Variants in UNC13C observed in about 807,000 individuals in gnomAD.
UNC13C encodes unc-13 homolog C, also known as protein unc-13 homolog C.
UNC13C carries 174 observed loss-of-function variants against 245.4 expected under a neutral mutation model. The observed-to-expected ratio is 0.71, with a 90% CI of 0.63 to 0.80. UNC13C has a LOEUF of 0.80. UNC13C is among the 30% of genes least tolerant of loss of function. UNC13C has a pLI of 0.00. For missense variants in UNC13C, 2,829 were observed against 2,602.9 expected, an observed-to-expected ratio of 1.09 and a Z score of -1.89; for synonymous variants, 992 against 895.1, an observed-to-expected ratio of 1.11 and a Z score of -1.93.
chr15:54,552,544 TTATATTGTATATAATTA>T (rs1396494176), intron 28 of UNC13C, among the ~76,000 whole-genome samples: 6 of 82,892 alleles, frequency 7.2e-5, no homozygotes, highest in East Asian at 3.4e-4. Flanking sequence ...TAATTATATA[TTATATTGTATATAATTA>T]TATATTATAT....
intron 10 of UNC13C, among the ~76,000 whole-genome samples, chr15:54,286,303 A>G (rs568919200): frequency 1.3e-5 from 2 of 152,224 alleles, no homozygotes; most frequent in East Asian, 3.8e-4. Flanking sequence ...AACAAACGTG[A>G]TTTCTAATGG....
At chr15:53,879,866 C>G in the UNC13C span, among the ~76,000 whole-genome samples, 3 of 151,820 alleles carry the variant, frequency 2.0e-5, no homozygotes, top group African/African-American at 7.3e-5. Flanking sequence ...AACTGGAAAA[C>G]AAAATTATTA....
chr15:53,944,945 T>A, the UNC13C span, among the ~76,000 whole-genome samples: 440 of 152,322 alleles, frequency 2.9e-3, 3 homozygotes, highest in South Asian at 7.0e-3. Flanking sequence ...TACTTTTTAA[T>A]AATAGCCATT....
chr15:54,246,120 G>A (rs2035983871), intron 7 of UNC13C, among the ~76,000 whole-genome samples: 1 of 152,112 alleles, frequency 6.6e-6, no homozygotes, highest in African/African-American at 2.4e-5. Flanking sequence ...GTTTCTTCAG[G>A]TAGTAATCAA....
chr15:54,544,266 T>C (rs939535811), intron 26 of UNC13C, among the ~76,000 whole-genome samples: 4 of 152,124 alleles, frequency 2.6e-5, no homozygotes, highest in Non-Finnish European at 5.9e-5. Flanking sequence ...AAAAAAACTC[T>C]CAATAAAATA....
At chr15:54,234,057 A>C (rs80081229) in intron 4 of UNC13C, among the ~76,000 whole-genome samples, 13,424 of 152,224 alleles carry the variant, frequency 0.088, 882 homozygotes, top group South Asian at 0.22. Context: ...TTTTAATTGC[A>C]AAATAATACA....
chr15:53,917,634 G>A, the UNC13C span, among the ~76,000 whole-genome samples: 1 of 152,032 alleles, frequency 6.6e-6, no homozygotes, highest in Non-Finnish European at 1.5e-5. Flanking sequence ...GTGACACAAA[G>A]GGCCTCTTTT....
chr15:53,868,804 G>GA, the UNC13C span, among the ~76,000 whole-genome samples: 1 of 152,042 alleles, frequency 6.6e-6, no homozygotes, highest in South Asian at 2.1e-4. Flanking sequence ...TTCTATAGAG[G>GA]TCTCACTAGG....
At chr15:54,281,481 T>C (rs2036996348) in intron 10 of UNC13C, among the ~76,000 whole-genome samples, 1 of 152,222 alleles carries the variant, frequency 6.6e-6, no homozygotes, top group South Asian at 2.1e-4. Context: ...GCATTTTCTT[T>C]ATGGGTTTGG....
chr15:54,095,781 C>T (rs950062535), intron 2 of UNC13C, among the ~76,000 whole-genome samples: 3 of 152,156 alleles, frequency 2.0e-5, no homozygotes, highest in Non-Finnish European at 4.4e-5. Context: ...TTATCGACCA[C>T]TATTAGGTTC....
chr15:54,399,831 T>C (rs2040145937), intron 18 of UNC13C, among the ~76,000 whole-genome samples: 2 of 151,984 alleles, frequency 1.3e-5, no homozygotes, highest in South Asian at 4.1e-4. Flanking sequence ...GATCAGGGAT[T>C]TGTCCTTTGT....
chr15:54,272,197 C>A (rs916439993), intron 10 of UNC13C, among the ~76,000 whole-genome samples: 1 of 152,010 alleles, frequency 6.6e-6, no homozygotes, highest in African/African-American at 2.4e-5. Context: ...TGTTTTGGAC[C>A]TTTTGAAGTA....
At chr15:54,455,205 C>CTATATATATATA (rs1214014395) in intron 19 of UNC13C, among the ~76,000 whole-genome samples, 202 of 18,900 alleles carry the variant, frequency 0.011, 10 homozygotes, top group Non-Finnish European at 0.013. Flanking sequence ...CTCTCTCTCT[C>CTATATATATATA]TATATATATA....
intron 18 of UNC13C, among the ~76,000 whole-genome samples, chr15:54,414,710 A>G (rs779313889): frequency 2.0e-5 from 3 of 152,124 alleles, no homozygotes; most frequent in African/African-American, 4.8e-5. Flanking sequence ...ACAAACACTC[A>G]TCACAAGACA....
intron 27 of UNC13C, among the ~76,000 whole-genome samples, chr15:54,548,906 G>A (rs74014210): frequency 0.083 from 12,580 of 151,998 alleles, 1,386 homozygotes; most frequent in African/African-American, 0.25. Context: ...AATTAACCAC[G>A]GTCACTATTC....
chr15:54,505,464 T>C (rs1423520708), intron 22 of UNC13C, among the ~76,000 whole-genome samples: 1 of 152,164 alleles, frequency 6.6e-6, no homozygotes, highest in Non-Finnish European at 1.5e-5. Context: ...AATGTGCATG[T>C]CCAACAAGTT....
downstream of UNC13C, chr15:54,630,066 G>A (rs1019159916): frequency 6.6e-6 from 1 of 152,144 alleles, no homozygotes; most frequent in African/African-American, 2.4e-5. Context: ...ATTGAGTGTT[G>A]CACTAATGTG....
At chr15:54,141,705 G>A (rs952940470) in intron 2 of UNC13C, among the ~76,000 whole-genome samples, 10 of 152,024 alleles carry the variant, frequency 6.6e-5, no homozygotes, top group African/African-American at 2.2e-4. Context: ...TTCTTCTGCG[G>A]TAATGCTAAA....
intron 4 of UNC13C, among the ~76,000 whole-genome samples, chr15:54,159,748 C>A (rs1234714035): frequency 6.6e-6 from 1 of 152,134 alleles, no homozygotes; most frequent in African/African-American, 2.4e-5. Context: ...ATTGGAAGGG[C>A]CTTAAACATC....
Sources: gnomAD v4.1 joint callset for allele counts (sites outside exome capture counted in the v4.1 genomes callset) on GRCh38, gnomAD v4.1.1 for gene constraint, MANE v1.5 for transcripts, NCBI Gene and HGNC (gene_info 2026-07-23, HGNC 2026-07-21) for gene names.